Variants in TRIM44 observed in about 807,000 individuals in gnomAD.
The protein encoded by TRIM44 is tripartite motif containing 44.
Under a neutral mutation model 37.4 loss-of-function variants are expected in TRIM44, and 13 were observed. That is an observed-to-expected ratio of 0.35 (90% CI 0.23 to 0.55). TRIM44 has a LOEUF of 0.55. TRIM44 is among the 20% of genes least tolerant of loss of function. TRIM44 has a pLI of 0.89. For missense variants in TRIM44, 426 were observed against 437.2 expected (o/e 0.97, Z 0.23); for synonymous variants, 175 against 157.2 (o/e 1.11, Z -0.85).
At chr11:35,794,506 C>T (rs1197348726) in intron 4 of TRIM44, among the ~76,000 whole-genome samples, 2 of 152,200 alleles carry the variant, frequency 1.3e-5, no homozygotes, top group Admixed American at 1.3e-4. Flanking sequence ...ATTCCCTGTC[C>T]ATGGGCCACG....
At chr11:35,735,279 C>T in intron 3 of TRIM44, 147 bp from the exon 4 acceptor site, 1 of 743,346 alleles carries the variant, frequency 1.3e-6, no homozygotes, top group Non-Finnish European at 2.3e-6. Context: ...CTTGTCTTAG[C>T]CTTTAGATGT....
chr11:35,703,087 G>A (rs1324175823), intron 2 of TRIM44, among the ~76,000 whole-genome samples: 3 of 152,202 alleles, frequency 2.0e-5, no homozygotes, highest in South Asian at 4.1e-4. Flanking sequence ...CTTAAAAAAC[G>A]GCGCACCAGG....
intron 4 of TRIM44, among the ~76,000 whole-genome samples, chr11:35,758,180 C>T (rs1425942960): frequency 6.6e-6 from 1 of 152,156 alleles, no homozygotes; most frequent in Non-Finnish European, 1.5e-5. Flanking sequence ...AATCTGGGTG[C>T]TCCTGTATTG....
rs1853570161 is a variant in TRIM44, at chr11:35,815,350, T to A, written c.*8965T>A. ...CCAGTTGGATGGCTGTATCCTAGTATGAAATTCAGCTTCTAAGTAGGAAGA... is the reference window on the plus strand; with the variant it reads ...CCAGTTGGATGGCTGTATCCTAGTAAGAAATTCAGCTTCTAAGTAGGAAGA... On this transcript the variant is annotated 3_prime_UTR_variant, in exon 5 of 5. Transcript: ENST00000299413. The A allele has an allele frequency of 6.6e-6, 1 of 152,178 alleles. No homozygotes were observed. The highest frequency in any genetic ancestry group is 1.5e-5 in the Non-Finnish European group (1 of 68,054). The allele number at this position is 152,178 out of a possible 1,614,324, so 9.4% of individuals were successfully genotyped here. A position where few individuals can be genotyped will look rare whatever the true frequency, so the allele number is the denominator to read the frequency against.
chr11:35,773,155 T>G (rs556871625), intron 4 of TRIM44, among the ~76,000 whole-genome samples: 1 of 152,284 alleles, frequency 6.6e-6, no homozygotes, highest in East Asian at 1.9e-4. Context: ...TGCCATTGCC[T>G]CCCGCCATGA....
Position 35,806,549 on chromosome 11 carries a change from C to T in TRIM44, c.*164C>T, listed in dbSNP as rs565842117. The stretch of plus-strand genomic sequence containing the variant: ...GGCACATATCTCTCCAAGGGATGAC[C>T]AGTTTTATGCTTACTGTGTGCTTCT... On this transcript the variant is annotated 3_prime_UTR_variant, in exon 5 of 5. Coordinates refer to ENST00000299413, the MANE Select transcript of TRIM44 (RefSeq NM_017583.6). 4.3e-6 allele frequency: 3 copies of T among 699,588 alleles called. No homozygotes were observed. The highest frequency in any genetic ancestry group is 2.7e-5 in the East Asian group (1 of 37,446). The allele number at this position is 699,588 out of a possible 1,614,324, so 43.3% of individuals were successfully genotyped here.
chr11:35,788,394 T>C (rs1853157004), intron 4 of TRIM44, among the ~76,000 whole-genome samples: 1 of 152,190 alleles, frequency 6.6e-6, no homozygotes, highest in African/African-American at 2.4e-5. Flanking sequence ...GGTGTTGTAC[T>C]GTTCTTTACC....
intron 1 of TRIM44, among the ~76,000 whole-genome samples, chr11:35,683,438 A>C (rs575382507): frequency 6.6e-6 from 1 of 152,240 alleles, no homozygotes; most frequent in Non-Finnish European, 1.5e-5. Flanking sequence ...TTGACCCTTT[A>C]GTATATTTTA....
At chr11:35,770,815 G>C (rs1852858548) in intron 4 of TRIM44, among the ~76,000 whole-genome samples, 1 of 152,108 alleles carries the variant, frequency 6.6e-6, no homozygotes, top group African/African-American at 2.4e-5. Context: ...CCCCCATACT[G>C]TTCTTGTGGT....
chr11:35,775,261 CT>C (rs1363074787), intron 4 of TRIM44, among the ~76,000 whole-genome samples: 1 of 152,096 alleles, frequency 6.6e-6, no homozygotes. Context: ...CATGATTTGG[CT>C]CTCTGTTTGT....
intron 4 of TRIM44, among the ~76,000 whole-genome samples, chr11:35,773,747 T>C (rs1211798319): frequency 1.3e-5 from 2 of 152,204 alleles, no homozygotes; most frequent in African/African-American, 4.8e-5. Context: ...TTGCGATAGT[T>C]TGCTCAGAAT....
intron 1 of TRIM44, among the ~76,000 whole-genome samples, chr11:35,672,318 A>C (rs576511518): frequency 1.3e-5 from 2 of 152,048 alleles, no homozygotes; most frequent in African/African-American, 4.8e-5. Flanking sequence ...CTATTCTGTT[A>C]AAAAAAATTC....
chr11:35,690,718 C>G (rs1443997289), intron 2 of TRIM44, among the ~76,000 whole-genome samples: 1 of 152,124 alleles, frequency 6.6e-6, no homozygotes, highest in African/African-American at 2.4e-5. Flanking sequence ...TATTTTATCC[C>G]TGTATCTTCA....
At chr11:35,733,233 G>A (rs1852285928) in intron 3 of TRIM44, among the ~76,000 whole-genome samples, 1 of 152,110 alleles carries the variant, frequency 6.6e-6, no homozygotes, top group Non-Finnish European at 1.5e-5. Context: ...ACCAGAATTT[G>A]AGACCATGTT....
rs181043254 is a variant in TRIM44 at position 35,735,429 on chromosome 11, G to A, written c.991G>A (p.Asp331Asn). 1.1e-4 allele frequency: 170 copies of A among 1,613,626 alleles called. 1 individual carries two copies. Among genetic ancestry groups the A allele is most frequent in the South Asian group, 9.8e-4 (89 of 91,044 alleles). Residue 331 changes from aspartate (D) to asparagine (N), a missense_variant, in exon 4 of 5, where the codon GAT (aspartate) becomes AAT (asparagine). Asp to Asn is a conservative substitution (Grantham distance 23). Transcript: ENST00000299413. ...NESAEPKAEG[D>N]EEGPSGASEE... ...TTTCTTTCTGTTTGTCTTTCAGGGC[G>A]ATGAGGAAGGACCCAGGTAAGATCA... is the stretch of plus-strand genomic sequence containing the variant.
At chr11:35,802,593 A>G (rs955684976) in intron 4 of TRIM44, among the ~76,000 whole-genome samples, 3 of 152,200 alleles carry the variant, frequency 2.0e-5, no homozygotes, top group Admixed American at 6.5e-5. Context: ...AAGTAATTAC[A>G]TACCACAAGG....
In TRIM44 at chr11:35,812,954, T is replaced by G. The variant is rs554128661; in HGVS notation, c.*6569T>G. The G allele has an allele frequency of 1.3e-5, 2 of 152,312 alleles. No individual in the cohort carries two copies. The highest frequency in any genetic ancestry group is 4.1e-4 in the South Asian group (2 of 4,822). The allele number at this position is 152,312 out of a possible 1,614,324, so 9.4% of individuals were successfully genotyped here. On this transcript the variant is annotated 3_prime_UTR_variant, in exon 5 of 5. Coordinates refer to ENST00000299413, the MANE Select transcript of TRIM44 (RefSeq NM_017583.6). ...ACGAGAGGCAAAACCATGTCTTCTT[T>G]TGCTATAGCGTTAGAATCCTGAAAG...
intron 1 of TRIM44, among the ~76,000 whole-genome samples, chr11:35,666,339 A>C (rs771845186): frequency 1.3e-5 from 2 of 152,170 alleles, no homozygotes; most frequent in African/African-American, 4.8e-5. Flanking sequence ...AGGTCCTTCC[A>C]TCTTGTCCTA....
At chr11:35,736,026 T>C (rs1721307039) in intron 4 of TRIM44, among the ~76,000 whole-genome samples, 1 of 152,180 alleles carries the variant, frequency 6.6e-6, no homozygotes, top group Non-Finnish European at 1.5e-5. Context: ...ACCTGGACTG[T>C]GGTTTACTTA....
Sources: gnomAD v4.1 joint callset for allele counts (sites outside exome capture counted in the v4.1 genomes callset) on GRCh38, gnomAD v4.1.1 for gene constraint, MANE v1.5 for transcripts, NCBI Gene and HGNC (gene_info 2026-07-23, HGNC 2026-07-21) for gene names.